Variants in TSNARE1 observed in about 807,000 individuals in gnomAD.
TSNARE1 encodes t-SNARE domain-containing protein 1.
TSNARE1 carries 49 observed loss-of-function variants against 62.0 expected under a neutral mutation model. The observed-to-expected ratio is 0.79, with a 90% confidence interval of 0.63 to 1.00. The LOEUF is 1.00. Among genes scored for constraint, TSNARE1 ranks in the 50% least tolerant of loss-of-function variants. TSNARE1 has a pLI of 0.00. For missense variants in TSNARE1, 755 were observed against 700.1 expected, an observed-to-expected ratio of 1.08 and a Z score of -0.88; for synonymous variants, 328 against 294.4, an observed-to-expected ratio of 1.11 and a Z score of -1.17.
At chr8:142,287,004 T>C (rs899122257) in intron 10 of TSNARE1, among the ~76,000 whole-genome samples, 17 of 152,222 alleles carry the variant, frequency 1.1e-4, no homozygotes, top group African/African-American at 4.1e-4. Context: ...GGTTAGTGAC[T>C]GCCCAATGAC....
At chr8:142,376,645 T>C (rs770945419) in intron 1 of TSNARE1, among the ~76,000 whole-genome samples, 3 of 152,076 alleles carry the variant, frequency 2.0e-5, no homozygotes, top group Non-Finnish European at 2.9e-5. Flanking sequence ...TGGTATTTGT[T>C]CACCAGCCTG....
chr8:142,385,271 A>G (rs903449887), intron 1 of TSNARE1, among the ~76,000 whole-genome samples: 1 of 152,198 alleles, frequency 6.6e-6, no homozygotes, highest in Non-Finnish European at 1.5e-5. Context: ...CTCCAGCAAC[A>G]TTCAAACCAC....
intron 12 of TSNARE1, among the ~76,000 whole-genome samples, chr8:142,244,442 CTT>C (rs1817794230): frequency 2.7e-5 from 1 of 36,442 alleles, no homozygotes; most frequent in African/African-American, 1.9e-4. Flanking sequence ...AAAATCATCA[CTT>C]ACATGTATTT....
rs117154731 is a variant in TSNARE1, at chr8:142,327,470, G to A, written c.893+3431C>T. Reference sequence around the variant, plus strand: ...ATGGGTCCATCCTTACAGAGGGACAGAGGGGTGCAATTCTGCACCAGCTGG... The same window carrying A: ...ATGGGTCCATCCTTACAGAGGGACAAAGGGGTGCAATTCTGCACCAGCTGG... On this transcript the variant is annotated intron_variant, in intron 6 of 13. Coordinates refer to ENST00000524325, the MANE Select transcript of TSNARE1 (RefSeq NM_145003.5). Among the ~76,000 whole-genome samples the A allele has an allele frequency of 1.6e-4, 24 of 152,324 alleles. No individual in the cohort carries two copies. The East Asian group carries it at 4.6e-3, about 30-fold the overall frequency.
At chr8:142,254,609 C>G (rs1438109864) in intron 12 of TSNARE1, among the ~76,000 whole-genome samples, 1 of 152,190 alleles carries the variant, frequency 6.6e-6, no homozygotes, top group African/African-American at 2.4e-5. Context: ...CCTGGCAGAA[C>G]ACGCTTCCTC....
intron 1 of TSNARE1, among the ~76,000 whole-genome samples, chr8:142,399,624 T>C (rs913679349): frequency 6.6e-6 from 1 of 152,138 alleles, no homozygotes. Flanking sequence ...TCTCCAACTC[T>C]CTCACTCACT....
chr8:142,264,085 C>A (rs1157136454), intron 12 of TSNARE1, among the ~76,000 whole-genome samples: 1 of 152,188 alleles, frequency 6.6e-6, no homozygotes, highest in Non-Finnish European at 1.5e-5. Context: ...TCATTGAAGT[C>A]TCCCACAAAT....
intron 1 of TSNARE1, among the ~76,000 whole-genome samples, chr8:142,364,996 T>C (rs1835430400): frequency 6.6e-6 from 1 of 152,192 alleles, no homozygotes; most frequent in Non-Finnish European, 1.5e-5. Flanking sequence ...GCTTGATGAA[T>C]AACAGGATAT....
chr8:142,378,383 C>T (rs964986270), intron 1 of TSNARE1, among the ~76,000 whole-genome samples: 1 of 152,218 alleles, frequency 6.6e-6, no homozygotes, highest in African/African-American at 2.4e-5. Context: ...ACAAGGGACT[C>T]TCTTGGGGTG....
intron 12 of TSNARE1, among the ~76,000 whole-genome samples, chr8:142,239,690 C>G (rs1398717363): frequency 6.6e-6 from 1 of 152,140 alleles, no homozygotes; most frequent in Admixed American, 6.5e-5. Context: ...TCAGGAAAAC[C>G]CGAGTGGGGC....
chr8:142,325,751 G>A (rs1830120122), intron 6 of TSNARE1, among the ~76,000 whole-genome samples: 1 of 152,256 alleles, frequency 6.6e-6, no homozygotes, highest in Non-Finnish European at 1.5e-5. Context: ...ACCACCAAGG[G>A]AGGGGAGGAG....
intron 1 of TSNARE1, among the ~76,000 whole-genome samples, chr8:142,378,690 A>G (rs1042927539): frequency 1.2e-4 from 18 of 152,226 alleles, no homozygotes; most frequent in African/African-American, 4.3e-4. Context: ...CAGAGCCAGA[A>G]GATAGATTAG....
intron 6 of TSNARE1, among the ~76,000 whole-genome samples, chr8:142,328,659 G>A (rs1476130644): frequency 3.3e-5 from 5 of 152,146 alleles, no homozygotes; most frequent in South Asian, 2.1e-4. Flanking sequence ...CCAGGGGTGC[G>A]CCAGCCCACA....
At position 142,344,492 on chromosome 8, in the gene TSNARE1, C is replaced by T. The variant is rs569739957; in HGVS notation, c.239-20G>A. 129 of 1,504,658 alleles carry T rather than the reference C, an allele frequency of 8.6e-5. No individual in the cohort carries two copies. Among genetic ancestry groups the T allele is most frequent in the Non-Finnish European group, 1.0e-4 (116 of 1,133,276 alleles). 93.2% of individuals were successfully genotyped at this position (1,504,658 alleles called of 1,614,324 possible). ...CAGGCCCTGGAAAGGCACCAAAAGG[C>T]GGATGTTTAAGGCCCTGGGCCTGTG... On this transcript the variant is annotated intron_variant, in intron 3 of 13. Coordinates refer to ENST00000524325, the MANE Select transcript of TSNARE1 (RefSeq NM_145003.5).
At chr8:142,296,654 C>T (rs943107723) in intron 10 of TSNARE1, among the ~76,000 whole-genome samples, 16 of 151,910 alleles carry the variant, frequency 1.1e-4, no homozygotes, top group Admixed American at 6.6e-4. Context: ...CCGTGGGAGG[C>T]GGACAGGGGG....
At chr8:142,363,088 G>A (rs1051431659) in intron 1 of TSNARE1, among the ~76,000 whole-genome samples, 63 of 152,120 alleles carry the variant, frequency 4.1e-4, no homozygotes, top group African/African-American at 5.3e-4. Context: ...TCTCCAAGCC[G>A]CCAGCACGGA....
chr8:142,257,714 G>A (rs1301356327), intron 12 of TSNARE1, among the ~76,000 whole-genome samples: 3 of 152,094 alleles, frequency 2.0e-5, no homozygotes, highest in African/African-American at 7.2e-5. Context: ...CGATGACCCA[G>A]GGGTGGGAGG....
intron 10 of TSNARE1, among the ~76,000 whole-genome samples, chr8:142,285,845 A>G (rs1490600816): frequency 6.6e-6 from 1 of 152,132 alleles, no homozygotes; most frequent in Non-Finnish European, 1.5e-5. Flanking sequence ...TGATGATCCT[A>G]AGAGACGTGG....
chr8:142,246,847 C>T (rs1220296924), intron 12 of TSNARE1, among the ~76,000 whole-genome samples: 1 of 152,244 alleles, frequency 6.6e-6, no homozygotes, highest in African/African-American at 2.4e-5. Flanking sequence ...TGTGTTAGCA[C>T]CTGCTACACA....
Sources: allele counts gnomAD v4.1 joint callset (sites outside exome capture counted in the v4.1 genomes callset), GRCh38; gene constraint gnomAD v4.1.1; transcripts MANE v1.5; gene names NCBI Gene and HGNC (gene_info 2026-07-23, HGNC 2026-07-21).